RALGAPB: variants seen among roughly 807,000 people sequenced by gnomAD.
The protein encoded by RALGAPB is Ral GTPase activating protein non-catalytic subunit beta, also known as ral GTPase-activating protein subunit beta.
In RALGAPB, 25 loss-of-function variants were observed where a neutral mutation model predicts 161.1. That is an observed-to-expected ratio of 0.16 (90% confidence interval 0.11 to 0.22). The LOEUF (loss-of-function observed/expected upper bound fraction) is 0.22, where lower values mean the gene tolerates loss of function less well. Among genes scored for constraint, RALGAPB ranks in the 10% least tolerant of loss-of-function variants. The probability of loss-of-function intolerance (pLI) is 1.00; values close to 1 mark genes in which losing one functional copy is unlikely to be tolerated. For missense variants in RALGAPB, 1,391 were observed against 1,815.2 expected (o/e 0.77, Z 4.25); for synonymous variants, 629 against 626.1 (o/e 1.00, Z -0.07).
chr20:38,549,200 TATA>T (rs1229848366), intron 20 of RALGAPB, among the ~76,000 whole-genome samples: 3 of 152,200 alleles, frequency 2.0e-5, no homozygotes, highest in African/African-American at 7.2e-5. Flanking sequence ...TTTGTTCTTA[TATA>T]ATAATTGGTA....
rs770384758 is a variant in RALGAPB at position 38,517,906 on chromosome 20, C to T, written c.1323C>T (p.Asn441=). Residue 441 remains asparagine, a synonymous_variant, in exon 9 of 30, where the codon AAC becomes AAT. Transcript: ENST00000262879. ...PLPAPRRPKV[N]SILNLFGSWL... ...CTGCCCCTCGGAGACCAAAGGTTAA[C>T]AGCATCTTGAATCTCTTTGGATCAT... 6.2e-7 allele frequency: 1 copy of T among 1,613,928 alleles called. No homozygotes were observed. The highest frequency in any genetic ancestry group is 8.5e-7 in the Non-Finnish European group (1 of 1,179,900).
chr20:38,488,587 G>T lies in RALGAPB; in HGVS notation c.155G>T (p.Gly52Val), dbSNP rs1568903331. Residue 52 changes from glycine (G) to valine (V), a missense_variant, in exon 2 of 30, where the codon GGT becomes GTT. By Grantham distance (109) the Gly-to-Val change is moderately radical (BLOSUM62 -3). Around this residue, in one of 3 missense-constraint regions of RALGAPB, gnomAD observed 946 missense variants for 1,257.2 expected, o/e 0.75. Transcript: ENST00000262879. Reference sequence around the variant, plus strand: ...GTGTTAGGTACCCCTTCAGTGGCTGGTAGTGAGAATTTGTTAAAAACTGAC... The same window carrying T: ...GTGTTAGGTACCCCTTCAGTGGCTGTTAGTGAGAATTTGTTAAAAACTGAC... The part of the protein sequence containing the change: ...GQVLGTPSVA[G>V]SENLLKTDKE... The T allele has an allele frequency of 8.7e-6, 14 of 1,612,972 alleles. No individual in the cohort carries two copies. The highest frequency in any genetic ancestry group is 1.2e-5 in the Non-Finnish European group (14 of 1,179,676).
At chr20:38,478,004 G>A (rs1320908405) in intron 1 of RALGAPB, among the ~76,000 whole-genome samples, 1 of 152,112 alleles carries the variant, frequency 6.6e-6, no homozygotes, top group Non-Finnish European at 1.5e-5. Flanking sequence ...ACACACCTGT[G>A]GTCTGTTACT....
intron 5 of RALGAPB, among the ~76,000 whole-genome samples, chr20:38,503,524 T>C (rs2085657779): frequency 6.6e-6 from 1 of 152,198 alleles, no homozygotes; most frequent in Non-Finnish European, 1.5e-5. Flanking sequence ...GATGACTAAT[T>C]GCTGCAATGT....
chr20:38,574,853 C>T lies in RALGAPB; in HGVS notation c.4371C>T (p.Val1457=), dbSNP rs866018898. The change falls in exon 30 of 30, where the codon GTC becomes GTT. Residue 1457 remains valine, a synonymous_variant. Coordinates refer to ENST00000262879, the MANE Select transcript of RALGAPB (RefSeq NM_020336.4). ...GTGACTCCTACAGTCCCCCCCATGT[C>T]CGCCGGAAACAGAAAATCACCGACA... ...LESDSYSPPH[V]RRKQKITDIV... 6.2e-7 allele frequency: 1 copy of T among 1,613,640 alleles called. No individual in the cohort carries two copies. Among genetic ancestry groups the T allele is most frequent in the Non-Finnish European group, 8.5e-7 (1 of 1,179,552 alleles).
Position 38,497,334 on chromosome 20 carries a change from ATCT to A in RALGAPB, c.390-18_390-16del. 1 of 1,610,244 alleles carries A rather than the reference ATCT, an allele frequency of 6.2e-7. No individual in the cohort carries two copies. The highest frequency in any genetic ancestry group is 8.5e-7 in the Non-Finnish European group (1 of 1,177,804). ...TCTCTCCTCCAGGCTTGTCAGTGAT[ATCT>A]GTCTGTCTTCTTCAGACAGGAACAG... On this transcript the variant is annotated splice_polypyrimidine_tract_variant and intron_variant, in intron 3 of 29. Transcript: ENST00000262879.
Position 38,499,520 on chromosome 20 carries a change from G to A in RALGAPB, c.627G>A (p.Arg209=). The A allele has an allele frequency of 1.2e-6, 2 of 1,613,952 alleles. No individual in the cohort carries two copies. The highest frequency in any genetic ancestry group is 1.7e-6 in the Non-Finnish European group (2 of 1,179,940). Residue 209 remains arginine (R), a synonymous_variant, in exon 5 of 30, where the codon CGG becomes CGA. Coordinates refer to ENST00000262879, the MANE Select transcript of RALGAPB (RefSeq NM_020336.4). ...AGGTGTGGTTACTAGCTTGTACTCG[G>A]TGCTTCCCAACACCTCCTTATTGGA... is the stretch of plus-strand genomic sequence containing the variant. ...LFEVWLLACT[R]CFPTPPYWKT...
At chr20:38,558,263 T>A (rs766981391) in intron 22 of RALGAPB, 32 bp from the exon 23 acceptor site, 2 of 1,451,054 alleles carry the variant, frequency 1.4e-6, no homozygotes, top group African/African-American at 1.4e-5. Flanking sequence ...AGAAAATAGG[T>A]AATAATTGCT....
chr20:38,491,237 T>C (rs1052676349), intron 2 of RALGAPB, among the ~76,000 whole-genome samples: 3 of 152,262 alleles, frequency 2.0e-5, no homozygotes, highest in African/African-American at 7.2e-5. Flanking sequence ...GGTTTTAAGC[T>C]GTTGAAGCCT....
intron 26 of RALGAPB, among the ~76,000 whole-genome samples, chr20:38,567,484 T>G (rs1263646437): frequency 6.6e-6 from 1 of 152,226 alleles, no homozygotes. Flanking sequence ...CTCTCATCTG[T>G]TCCTTTTTAA....
Position 38,516,464 on chromosome 20 carries a change from A to G in RALGAPB, c.1051+94A>G, listed in dbSNP as rs989286886. 6 of 1,176,354 alleles carry G rather than the reference A, an allele frequency of 5.1e-6. No individual in the cohort carries two copies. The African/African-American group carries it at 7.9e-5, about 15-fold the overall frequency. 72.9% of individuals were successfully genotyped at this position (1,176,354 alleles called of 1,614,324 possible). ...GAGTTATTAGAAAACATCCGAAGGA[A>G]AAGATGAACAGATTTGATGACAAAT... is the stretch of plus-strand genomic sequence containing the variant. On this transcript the variant is annotated intron_variant, in intron 7 of 29. Coordinates refer to ENST00000262879, the MANE Select transcript of RALGAPB (RefSeq NM_020336.4).
At chr20:38,543,392 T>C (rs1039296934) in intron 18 of RALGAPB, among the ~76,000 whole-genome samples, 3 of 152,216 alleles carry the variant, frequency 2.0e-5, no homozygotes, top group African/African-American at 4.8e-5. Flanking sequence ...CCCTCCAACC[T>C]GGATAGCATC....
intron 1 of RALGAPB, among the ~76,000 whole-genome samples, chr20:38,480,944 G>T (rs1465198470): frequency 6.6e-6 from 1 of 151,148 alleles, no homozygotes; most frequent in Non-Finnish European, 1.5e-5. Context: ...GTTTCACCGT[G>T]TTAGGATGGT....
chr20:38,574,794 G>A lies in RALGAPB; in HGVS notation c.4312G>A (p.Val1438Ile), dbSNP rs150064776. The A allele has an allele frequency of 3.3e-5, 54 of 1,613,818 alleles. No homozygotes were observed. The highest frequency in any genetic ancestry group is 4.2e-5 in the Non-Finnish European group (50 of 1,179,826). The change falls in exon 30 of 30, where the codon GTA becomes ATA. Residue 1438 changes from valine to isoleucine, a missense_variant. By Grantham distance (29) the Val-to-Ile change is conservative. Around this residue, in one of 3 missense-constraint regions of RALGAPB, gnomAD observed 436 missense variants for 527.0 expected, o/e 0.83. Coordinates refer to ENST00000262879, the MANE Select transcript of RALGAPB (RefSeq NM_020336.4). ...RALGFLVRQT[V>I]INICRRKRLE... ...TCAAGGCTTTCTGGTGAGGCAGACT[G>A]TAATTAACATTTGTAGAAGAAAGAG... is the stretch of plus-strand genomic sequence containing the variant.
chr20:38,484,146 C>G (rs931641696), intron 1 of RALGAPB, among the ~76,000 whole-genome samples: 3 of 152,036 alleles, frequency 2.0e-5, no homozygotes, highest in African/African-American at 7.2e-5. Flanking sequence ...CTATTGCACT[C>G]CAGCCTGGGT....
chr20:38,515,434 C>A (rs972665752), intron 6 of RALGAPB, among the ~76,000 whole-genome samples: 1 of 152,068 alleles, frequency 6.6e-6, no homozygotes, highest in African/African-American at 2.4e-5. Context: ...ATTGGAGAGG[C>A]TTTTTAATGG....
At chr20:38,485,646 C>G (rs2085091966) in intron 1 of RALGAPB, among the ~76,000 whole-genome samples, 1 of 152,144 alleles carries the variant, frequency 6.6e-6, no homozygotes, top group African/African-American at 2.4e-5. Flanking sequence ...ATGCTGGTCT[C>G]AAACTCCTGA....
chr20:38,540,605 A>T (rs1442342723), intron 17 of RALGAPB, among the ~76,000 whole-genome samples: 1 of 152,224 alleles, frequency 6.6e-6, no homozygotes, highest in African/African-American at 2.4e-5. Flanking sequence ...GAAATTACTT[A>T]AAAATGTCAA....
At chr20:38,488,894 T>C (rs886883789) in intron 2 of RALGAPB, among the ~76,000 whole-genome samples, 2 of 152,216 alleles carry the variant, frequency 1.3e-5, no homozygotes, top group Non-Finnish European at 2.9e-5. Flanking sequence ...ATTCTCCACT[T>C]GAGCTGAAGG....
Sources: gnomAD v4.1 joint callset for allele counts (sites outside exome capture counted in the v4.1 genomes callset) on GRCh38, gnomAD v4.1.1 for gene constraint, gnomAD v4.1.1 regional missense constraint, MANE v1.5 for transcripts, NCBI Gene and HGNC (gene_info 2026-07-23, HGNC 2026-07-21) for gene names.